Variants in UBAC2 observed in about 807,000 individuals in gnomAD.
The protein encoded by UBAC2 is UBA domain containing 2.
In UBAC2, 26 loss-of-function variants were observed where a neutral mutation model predicts 44.0. The ratio of observed to expected loss-of-function variants is 0.59; its 90% CI spans 0.43 to 0.82. UBAC2 has a LOEUF of 0.82. Ranked by LOEUF, UBAC2 falls within the 40% of genes least tolerant of loss-of-function variation. The pLI is 0.00. For missense variants in UBAC2, 329 were observed against 419.4 expected (o/e 0.78, Z 1.88); for synonymous variants, 155 against 154.3 (o/e 1.00, Z -0.04).
intron 4 of UBAC2, among the ~76,000 whole-genome samples, chr13:99,289,045 G>A (rs1269566139): frequency 1.3e-5 from 2 of 152,208 alleles, no homozygotes; most frequent in Non-Finnish European, 2.9e-5. Context: ...CAAAGAGCTT[G>A]CCTATTATCT....
At chr13:99,217,278 A>T (rs898204830) in intron 1 of UBAC2, among the ~76,000 whole-genome samples, 2 of 152,172 alleles carry the variant, frequency 1.3e-5, no homozygotes, top group African/African-American at 4.8e-5. Context: ...GGCCACTCAG[A>T]AGCCCAAACT....
intron 4 of UBAC2, among the ~76,000 whole-genome samples, chr13:99,284,945 G>A (rs1049127837): frequency 2.0e-5 from 3 of 149,918 alleles, no homozygotes; most frequent in African/African-American, 7.3e-5. Context: ...GACACAAGCA[G>A]AGAGAATAAA....
intron 4 of UBAC2, among the ~76,000 whole-genome samples, chr13:99,262,668 G>A (rs1006119288): frequency 4.7e-5 from 6 of 126,626 alleles, no homozygotes; most frequent in Non-Finnish European, 7.9e-5. Flanking sequence ...GCAGTGAGCT[G>A]AGGCTGAACT....
At chr13:99,340,680 G>A (rs2044872578) in intron 7 of UBAC2, 115 bp downstream of exon 7, 1 of 1,198,734 alleles carries the variant, frequency 8.3e-7, no homozygotes, top group Non-Finnish European at 1.2e-6. Context: ...CCTTGCAAGT[G>A]GATTTTGACA....
At chr13:99,265,143 G>T (rs564936540) in intron 4 of UBAC2, among the ~76,000 whole-genome samples, 8 of 152,268 alleles carry the variant, frequency 5.3e-5, no homozygotes, top group Admixed American at 1.3e-4. Flanking sequence ...GTATTTACCA[G>T]AACTCTCCCT....
intron 4 of UBAC2, among the ~76,000 whole-genome samples, chr13:99,309,766 A>G (rs754216969): frequency 1.3e-5 from 2 of 151,872 alleles, no homozygotes; most frequent in Non-Finnish European, 2.9e-5. Flanking sequence ...ACGCCCAGCT[A>G]ATTTTTGTAT....
rs147478310 is a variant in UBAC2 at position 99,212,788 on chromosome 13, G to T, written c.31+11849G>T. Among the ~76,000 whole-genome samples, 454 of 152,112 alleles carry T rather than the reference G, an allele frequency of 3.0e-3. 2 individuals are homozygous for T. The highest frequency in any genetic ancestry group is 0.011 in the African/African-American group (440 of 41,500). On this transcript the variant is annotated intron_variant, in intron 1 of 8. Coordinates refer to ENST00000403766, the MANE Select transcript of UBAC2 (RefSeq NM_001144072.2). ...ATAAATACACATTTTTAAAGGAAAGGTCAGCCTATCTACAGTTTCATATTC... is the reference window on the plus strand; with the variant it reads ...ATAAATACACATTTTTAAAGGAAAGTTCAGCCTATCTACAGTTTCATATTC...
chr13:99,270,195 A>G (rs549914980), intron 4 of UBAC2, among the ~76,000 whole-genome samples: 2 of 152,350 alleles, frequency 1.3e-5, no homozygotes, highest in African/African-American at 4.8e-5. Context: ...GCAACACACT[A>G]CTTGGCCCTA....
chr13:99,209,373 A>C (rs2042912935), intron 1 of UBAC2, among the ~76,000 whole-genome samples: 1 of 152,204 alleles, frequency 6.6e-6, no homozygotes, highest in Non-Finnish European at 1.5e-5. Context: ...ACTGCCTTGC[A>C]ATCACTCTTG....
At chr13:99,240,039 A>C (rs562102514) in intron 2 of UBAC2, among the ~76,000 whole-genome samples, 3 of 152,324 alleles carry the variant, frequency 2.0e-5, no homozygotes, top group African/African-American at 7.2e-5. Flanking sequence ...TCAGACCCTT[A>C]GGAGTGTGGT....
chr13:99,360,744 G>A (rs903039970), intron 7 of UBAC2, among the ~76,000 whole-genome samples: 2 of 152,134 alleles, frequency 1.3e-5, no homozygotes, highest in Non-Finnish European at 2.9e-5. Flanking sequence ...TGCTTTGGCC[G>A]CAGTGGGTTG....
chr13:99,226,011 C>T (rs1361411102), intron 1 of UBAC2, among the ~76,000 whole-genome samples: 1 of 152,148 alleles, frequency 6.6e-6, no homozygotes, highest in Non-Finnish European at 1.5e-5. Flanking sequence ...AACATTTGAG[C>T]ACAGCACATG....
intron 4 of UBAC2, among the ~76,000 whole-genome samples, chr13:99,275,511 C>G (rs1330399412): frequency 2.0e-5 from 3 of 150,334 alleles, no homozygotes; most frequent in African/African-American, 7.4e-5. Flanking sequence ...ATATTTATAA[C>G]CTATTTTAAA....
chr13:99,304,720 A>G (rs2044306662), intron 4 of UBAC2, among the ~76,000 whole-genome samples: 1 of 151,984 alleles, frequency 6.6e-6, no homozygotes, highest in Admixed American at 6.5e-5. Context: ...AAGTCCATTG[A>G]CAGAAGGTGA....
rs535342052 is a variant in UBAC2, at chr13:99,347,984, C to T, written c.807+7419C>T. Among the ~76,000 whole-genome samples the T allele has an allele frequency of 3.9e-5, 6 of 152,212 alleles. No individual in the cohort carries two copies. In the South Asian group the frequency reaches 6.2e-4, roughly 16 times the overall value. On this transcript the variant is annotated intron_variant, in intron 7 of 8. Coordinates refer to ENST00000403766, the MANE Select transcript of UBAC2 (RefSeq NM_001144072.2). ...CACTATGCTGGACACACATAAGCTG[C>T]TCTCAGTAGTTCCTTGCCCGCTGAC...
intron 4 of UBAC2, among the ~76,000 whole-genome samples, chr13:99,248,679 G>A (rs145200086): frequency 1.4e-4 from 21 of 152,150 alleles, no homozygotes; most frequent in Admixed American, 3.3e-4. Flanking sequence ...CACTGTATCC[G>A]GCCATTTTTT....
chr13:99,262,009 C>T (rs2043669857), intron 4 of UBAC2, among the ~76,000 whole-genome samples: 1 of 152,112 alleles, frequency 6.6e-6, no homozygotes, highest in Admixed American at 6.5e-5. Context: ...TGTTGCATGC[C>T]ATTCTGAGCA....
rs1165133550 is a variant in UBAC2, at chr13:99,216,986, A to G, written c.31+16047A>G. On this transcript the variant is annotated intron_variant, in intron 1 of 8. Transcript: ENST00000403766. Reference sequence around the variant, plus strand: ...GCTGGGATTACAGGCGCCTGCCACCATGACCGGCTAATTTTTGTATTTTTA... The same window carrying G: ...GCTGGGATTACAGGCGCCTGCCACCGTGACCGGCTAATTTTTGTATTTTTA... Among the ~76,000 whole-genome samples, 14 of 151,828 alleles carry G rather than the reference A, an allele frequency of 9.2e-5. No individual in the cohort carries two copies. The East Asian group carries it at 2.7e-3, about 29-fold the overall frequency.
intron 1 of UBAC2, among the ~76,000 whole-genome samples, chr13:99,221,463 C>T (rs981366407): frequency 3.9e-5 from 6 of 152,262 alleles, no homozygotes; most frequent in African/African-American, 7.2e-5. Flanking sequence ...GTTTGTAGTC[C>T]GGATTATCAG....
Sources: allele counts gnomAD v4.1 joint callset (sites outside exome capture counted in the v4.1 genomes callset), GRCh38; gene constraint gnomAD v4.1.1; transcripts MANE v1.5; gene names NCBI Gene and HGNC (gene_info 2026-07-23, HGNC 2026-07-21).